Variants in C11orf54 observed in about 807,000 individuals in gnomAD.
C11orf54 encodes beta-keto-L-gulonate decarboxylase, also known as beta-keto L-gulonate decarboxylase.
In C11orf54, 29 loss-of-function variants were observed where a neutral mutation model predicts 35.5. The observed-to-expected ratio is 0.82, with a 90% CI of 0.61 to 1.11. The LOEUF (loss-of-function observed/expected upper bound fraction) is 1.11, where lower values mean the gene tolerates loss of function less well. C11orf54 is among the 50% of genes most tolerant of loss of function. The pLI is 0.00. For missense variants in C11orf54, 373 were observed against 369.2 expected (o/e 1.01, Z -0.08); for synonymous variants, 108 against 121.1 (o/e 0.89, Z 0.71).
chr11:93,762,739 A>G lies in C11orf54; in HGVS notation c.*1051A>G, dbSNP rs923241572. 1.4e-5 allele frequency: 2 copies of G among 142,312 alleles called. No homozygotes were observed. The highest frequency in any genetic ancestry group is 2.9e-5 in the Non-Finnish European group (2 of 67,998). 8.8% of individuals were successfully genotyped at this position (142,312 alleles called of 1,614,324 possible). On this transcript the variant is annotated 3_prime_UTR_variant, in exon 9 of 9. Transcript: ENST00000354421. ...ACTGGTTATTTGCAAGAGAAGGGGT[A>G]AAAAAACAGCATCAGAGTGCAACAC...
At chr11:93,751,408 T>G (rs1279381630) in intron 3 of C11orf54, among the ~76,000 whole-genome samples, 6 of 136,278 alleles carry the variant, frequency 4.4e-5, no homozygotes, top group Admixed American at 1.5e-4. Flanking sequence ...AGTTTTTTTT[T>G]TTTTTTTTTT....
chr11:93,758,698 G>A (rs1032979383), intron 7 of C11orf54, among the ~76,000 whole-genome samples: 9 of 152,366 alleles, frequency 5.9e-5, no homozygotes, highest in African/African-American at 1.9e-4. Flanking sequence ...TCTGGATTTG[G>A]GGCGCTGACA....
rs1943080725 is a variant in C11orf54, at chr11:93,755,399, A to T, written c.507+13A>T. ...CCAACCTGGCAAGGTGATTGTGTCC[A>T]TAAAAATACAATATTCCCTAAATGT... is the stretch of plus-strand genomic sequence containing the variant. On this transcript the variant is annotated intron_variant, in intron 6 of 8. Transcript: ENST00000354421. 6.2e-7 allele frequency: 1 copy of T among 1,609,486 alleles called. No individual in the cohort carries two copies. The highest frequency in any genetic ancestry group is 8.5e-7 in the Non-Finnish European group (1 of 1,176,422).
chr11:93,743,782 C>G (rs867416518), intron 1 of C11orf54, among the ~76,000 whole-genome samples: 3 of 152,122 alleles, frequency 2.0e-5, no homozygotes, highest in South Asian at 2.1e-4. Flanking sequence ...AGTTTAGTTG[C>G]GATAGTTGGT....
Position 93,747,309 on chromosome 11 carries a change from T to G in C11orf54, c.-85T>G, listed in dbSNP as rs1465218434. On this transcript the variant is annotated 5_prime_UTR_variant, in exon 2 of 9. Coordinates refer to ENST00000354421, the MANE Select transcript of C11orf54 (RefSeq NM_001286069.2). ...TGTTCATTTCCAGAACAGAAACTGT[T>G]CATACTTGGTGCGCTGTGGACTCTT... 3.9e-6 allele frequency: 4 copies of G among 1,021,710 alleles called. No homozygotes were observed. Among genetic ancestry groups the G allele is most frequent in the Non-Finnish European group, 5.7e-6 (4 of 702,044 alleles). 63.3% of individuals were successfully genotyped at this position (1,021,710 alleles called of 1,614,324 possible).
At chr11:93,758,327 G>A (rs750286316) in intron 7 of C11orf54, among the ~76,000 whole-genome samples, 8 of 152,214 alleles carry the variant, frequency 5.3e-5, no homozygotes, top group Non-Finnish European at 1.2e-4. Context: ...CTCTCCCAGT[G>A]GGAACAGGCG....
At chr11:93,753,451 G>A (rs1403457590) in intron 3 of C11orf54, among the ~76,000 whole-genome samples, 1 of 152,142 alleles carries the variant, frequency 6.6e-6, no homozygotes, top group Non-Finnish European at 1.5e-5. Flanking sequence ...CCCTTGCCTT[G>A]TATTGCCTTT....
At chr11:93,756,155 AGACTCTGTCTCC>A (rs377390759) in intron 6 of C11orf54, among the ~76,000 whole-genome samples, 4,077 of 40,584 alleles carry the variant, frequency 0.1, 392 homozygotes, top group Middle Eastern at 0.16. Context: ...CAACAAAGCA[AGACTCTGTCTCC>A]AAAAAAAAAA....
chr11:93,755,556 G>A (rs1202421809), intron 6 of C11orf54, among the ~76,000 whole-genome samples, 170 bp downstream of exon 6: 1 of 151,944 alleles, frequency 6.6e-6, no homozygotes, highest in East Asian at 1.9e-4. Context: ...TTCAAGACCA[G>A]CCTGGTCAAC....
chr11:93,752,534 T>G (rs1376430725), intron 3 of C11orf54, among the ~76,000 whole-genome samples: 1 of 152,176 alleles, frequency 6.6e-6, no homozygotes, highest in Non-Finnish European at 1.5e-5. Context: ...CTGTTCTTCC[T>G]TTGTGCCTTT....
chr11:93,757,988 T>C (rs531224504), intron 7 of C11orf54, among the ~76,000 whole-genome samples: 7 of 152,366 alleles, frequency 4.6e-5, no homozygotes, highest in Non-Finnish European at 8.8e-5. Flanking sequence ...ATTAGAACTT[T>C]ATTTTGGATA....
intron 1 of C11orf54, chr11:93,746,155 A>G (rs1274010152): frequency 6.6e-6 from 1 of 152,256 alleles, no homozygotes; most frequent in East Asian, 1.9e-4. Flanking sequence ...TACCAGAACT[A>G]GAAACCCAGT....
At chr11:93,749,398 C>T (rs977854404) in intron 2 of C11orf54, among the ~76,000 whole-genome samples, 1 of 148,342 alleles carries the variant, frequency 6.7e-6, no homozygotes, top group African/African-American at 2.5e-5. Context: ...GGGAGGATTA[C>T]TTGAGCCTGG....
intron 1 of C11orf54, among the ~76,000 whole-genome samples, chr11:93,745,341 G>C (rs1942405837): frequency 6.6e-6 from 1 of 152,148 alleles, no homozygotes; most frequent in Admixed American, 6.5e-5. Flanking sequence ...GCTTTCTTGG[G>C]CAGAGGTCCC....
intron 1 of C11orf54, among the ~76,000 whole-genome samples, chr11:93,744,354 C>A (rs1942326499): frequency 6.6e-6 from 1 of 152,182 alleles, no homozygotes; most frequent in African/African-American, 2.4e-5. Context: ...ACGGAAACAA[C>A]TGACCTAACT....
In C11orf54 at chr11:93,753,662, G is replaced by T; in HGVS notation, c.155-20G>T. 1 of 1,611,866 alleles carries T rather than the reference G, an allele frequency of 6.2e-7. No homozygotes were observed. Among genetic ancestry groups the T allele is most frequent in the Non-Finnish European group, 8.5e-7 (1 of 1,178,970 alleles). On this transcript the variant is annotated intron_variant, in intron 3 of 8. Transcript: ENST00000354421. ...TGTTTTTAAGGTGGCTTGTGTTTTTGTTTTTTGGTTTTTTCTTAGGCATCT... is the reference window on the plus strand; with the variant it reads ...TGTTTTTAAGGTGGCTTGTGTTTTTTTTTTTTGGTTTTTTCTTAGGCATCT...
Position 93,761,886 on chromosome 11 carries a change from A to G in C11orf54, c.*198A>G, listed in dbSNP as rs1943497905. On this transcript the variant is annotated 3_prime_UTR_variant, in exon 9 of 9. Coordinates refer to ENST00000354421, the MANE Select transcript of C11orf54 (RefSeq NM_001286069.2). ...GGAGTTTGAGACCAGCTTGGGCAAC[A>G]TAGCAAGACCCTGTCTATTTTTTTA... 1 of 396,384 alleles carries G rather than the reference A, an allele frequency of 2.5e-6. No homozygotes were observed. Among genetic ancestry groups the G allele is most frequent in the Non-Finnish European group, 4.4e-6 (1 of 229,668 alleles). 24.6% of individuals were successfully genotyped at this position (396,384 alleles called of 1,614,324 possible).
chr11:93,761,480 T>G (rs1943467063), intron 8 of C11orf54, 35 bp from the exon 9 acceptor site: 1 of 1,534,788 alleles, frequency 6.5e-7, no homozygotes, highest in Admixed American at 2.1e-5. Flanking sequence ...AATCAATAAT[T>G]TGAGTACTAA....
intron 1 of C11orf54, among the ~76,000 whole-genome samples, chr11:93,743,856 C>T (rs187223000): frequency 4.1e-4 from 62 of 152,256 alleles, no homozygotes; most frequent in African/African-American, 1.4e-3. Flanking sequence ...TCTGGGCCAT[C>T]GACTCCCACC....
Sources: allele counts gnomAD v4.1 joint callset (sites outside exome capture counted in the v4.1 genomes callset), GRCh38; gene constraint gnomAD v4.1.1; transcripts MANE v1.5; gene names NCBI Gene and HGNC (gene_info 2026-07-23, HGNC 2026-07-21).